PRKN: variants seen among roughly 807,000 people sequenced by gnomAD.
PRKN encodes parkin RBR E3 ubiquitin protein ligase.
A neutral mutation model predicts 59.5 loss-of-function variants in PRKN; 56 were observed. That is an observed-to-expected ratio of 0.94 (90% CI 0.76 to 1.18). The LOEUF is 1.18. PRKN is among the 50% of genes most tolerant of loss of function. PRKN has a pLI of 0.00. For synonymous variants in PRKN, 250 were observed against 222.1 expected (o/e 1.13, Z -1.12); for missense variants, 657 against 596.4 (o/e 1.10, Z -1.06).
At position 162,295,344 on chromosome 6, in the gene PRKN, A is replaced by G. The variant is rs540593290; in HGVS notation, c.172-32579T>C. Among the ~76,000 whole-genome samples the G allele has an allele frequency of 3.3e-5, 5 of 152,278 alleles. No homozygotes were observed. In the South Asian group the frequency reaches 1.0e-3, roughly 32 times the overall value. Reference sequence around the variant, plus strand: ...TATACTGGGGTTTGACAGAATTTTAAACTTTTTACTCGATTGCCTTGATAT... The same window carrying G: ...TATACTGGGGTTTGACAGAATTTTAGACTTTTTACTCGATTGCCTTGATAT... On this transcript the variant is annotated intron_variant, in intron 2 of 11. Coordinates refer to ENST00000366898, the MANE Select transcript of PRKN (RefSeq NM_004562.3).
chr6:162,027,021 AAG>A (rs1192332944), intron 5 of PRKN, among the ~76,000 whole-genome samples: 2 of 152,156 alleles, frequency 1.3e-5, no homozygotes, highest in African/African-American at 2.4e-5. Flanking sequence ...GAAACTAAAA[AAG>A]AGAGATAAGC....
At chr6:161,808,483 G>A (rs1791427105) in intron 6 of PRKN, among the ~76,000 whole-genome samples, 2 of 152,084 alleles carry the variant, frequency 1.3e-5, no homozygotes, top group Admixed American at 6.5e-5. Flanking sequence ...AATGAATAAC[G>A]TGTGTGTGTT....
At chr6:162,007,600 A>G (rs1354922130) in intron 5 of PRKN, among the ~76,000 whole-genome samples, 1 of 152,194 alleles carries the variant, frequency 6.6e-6, no homozygotes, top group Non-Finnish European at 1.5e-5. Flanking sequence ...ATTAAGTTTT[A>G]TAGCAGAGCT....
intron 2 of PRKN, among the ~76,000 whole-genome samples, chr6:162,352,847 T>C (rs550150134): frequency 4.1e-4 from 63 of 152,264 alleles, no homozygotes; most frequent in South Asian, 1.0e-3. Context: ...AAAGTATCCA[T>C]TTTTCCCCAA....
intron 2 of PRKN, among the ~76,000 whole-genome samples, chr6:162,320,944 T>C (rs562619490): frequency 1.8e-4 from 28 of 151,924 alleles, no homozygotes; most frequent in African/African-American, 6.5e-4. Context: ...TTTCCAATTG[T>C]CTTCACATTC....
At chr6:162,069,711 T>C (rs1212899349) in intron 4 of PRKN, among the ~76,000 whole-genome samples, 2 of 152,192 alleles carry the variant, frequency 1.3e-5, no homozygotes, top group African/African-American at 2.4e-5. Flanking sequence ...ATAGAAAGGA[T>C]TAATTGTTCC....
chr6:161,605,023 T>G (rs1300348031), intron 7 of PRKN, among the ~76,000 whole-genome samples: 3 of 152,204 alleles, frequency 2.0e-5, no homozygotes, highest in Non-Finnish European at 4.4e-5. Context: ...TTTTTCTCTT[T>G]GATTAAAAAA....
rs569757890 is a variant in PRKN, at chr6:161,757,882, T to C, written c.871+27890A>G. Among the ~76,000 whole-genome samples the C allele has an allele frequency of 4.1e-3, 399 of 97,212 alleles. 26 individuals carry two copies. Among genetic ancestry groups the C allele is most frequent in the African/African-American group, 0.018 (383 of 21,200 alleles). 63.8% of individuals were successfully genotyped at this position (97,212 alleles called of 152,430 possible). A position where few individuals can be genotyped will look rare whatever the true frequency, so the allele number is the denominator to read the frequency against. On this transcript the variant is annotated intron_variant, in intron 7 of 11. Transcript: ENST00000366898. Reference sequence around the variant, plus strand: ...CTCTCTCTCTCTCTCTGTGTATATATATATACACACACACACACACACACA... The same window carrying C: ...CTCTCTCTCTCTCTCTGTGTATATACATATACACACACACACACACACACA...
At chr6:162,140,496 G>A (rs1488828146) in intron 4 of PRKN, among the ~76,000 whole-genome samples, 1 of 152,186 alleles carries the variant, frequency 6.6e-6, no homozygotes, top group Non-Finnish European at 1.5e-5. Flanking sequence ...GTGAGGGAGA[G>A]AATGTGTGTG....
intron 2 of PRKN, among the ~76,000 whole-genome samples, chr6:162,343,059 T>C (rs1784254639): frequency 6.6e-6 from 1 of 152,130 alleles, no homozygotes; most frequent in Non-Finnish European, 1.5e-5. Context: ...GTCGAGTTTG[T>C]TTTAGAAAAA....
At chr6:162,098,566 T>C (rs1392409640) in intron 4 of PRKN, among the ~76,000 whole-genome samples, 1 of 152,182 alleles carries the variant, frequency 6.6e-6, no homozygotes, top group Non-Finnish European at 1.5e-5. Flanking sequence ...AATATCTTCA[T>C]CAACATTTAT....
Position 162,008,866 on chromosome 6 carries a change from AAC to A in PRKN, c.619-35451_619-35450del, listed in dbSNP as rs1162316907. Among the ~76,000 whole-genome samples the A allele has an allele frequency of 5.3e-5, 8 of 152,096 alleles. No homozygotes were observed. In the South Asian group the frequency reaches 6.2e-4, roughly 12 times the overall value. On this transcript the variant is annotated intron_variant, in intron 5 of 11. Coordinates refer to ENST00000366898, the MANE Select transcript of PRKN (RefSeq NM_004562.3). Reference sequence around the variant, plus strand: ...ATATGACTACAGTAGAGAAAAATTTAACAGTCTTTGAGAACCAAAGGAATCTG... The same window carrying A: ...ATATGACTACAGTAGAGAAAAATTTAAGTCTTTGAGAACCAAAGGAATCTG...
At chr6:161,350,243 G>A (rs1437340140) in intron 11 of PRKN, 32 bp from the exon 12 acceptor site, 5 of 1,508,286 alleles carry the variant, frequency 3.3e-6, no homozygotes, top group Non-Finnish European at 4.6e-6. Context: ...GGTGTGGTGG[G>A]TTCGCAGCAA....
chr6:162,444,334 T>C (rs778574382), intron 1 of PRKN, among the ~76,000 whole-genome samples: 2 of 152,130 alleles, frequency 1.3e-5, no homozygotes, highest in Non-Finnish European at 2.9e-5. Context: ...TGAGCCTTAT[T>C]AATACAGAGC....
chr6:162,211,594 A>G (rs1329184108), intron 3 of PRKN, among the ~76,000 whole-genome samples: 1 of 152,218 alleles, frequency 6.6e-6, no homozygotes, highest in Admixed American at 6.5e-5. Context: ...AATGGCATTA[A>G]TTAAGAGAGT....
chr6:161,751,954 T>C (rs2128195039), intron 7 of PRKN, among the ~76,000 whole-genome samples: 1 of 152,278 alleles, frequency 6.6e-6, no homozygotes, highest in East Asian at 1.9e-4. Flanking sequence ...TGGTTCAGCA[T>C]CTGCAGGATT....
chr6:161,426,596 T>C (rs28649709), intron 9 of PRKN, among the ~76,000 whole-genome samples: 1 of 150,980 alleles, frequency 6.6e-6, no homozygotes, highest in Non-Finnish European at 1.5e-5. Flanking sequence ...TGGCCTATTG[T>C]GGGACCTTGT....
intron 2 of PRKN, among the ~76,000 whole-genome samples, chr6:162,305,582 A>C (rs10945809): frequency 0.12 from 18,784 of 152,164 alleles, 2,458 homozygotes; most frequent in African/African-American, 0.34. Context: ...AATTTTGCAT[A>C]AACTGAAGAT....
intron 4 of PRKN, among the ~76,000 whole-genome samples, chr6:162,085,969 C>T (rs1278426890): frequency 1.3e-5 from 2 of 152,204 alleles, no homozygotes; most frequent in Non-Finnish European, 2.9e-5. Context: ...TGCCATTCTA[C>T]TCTATCCATC....
Sources: allele counts gnomAD v4.1 joint callset (sites outside exome capture counted in the v4.1 genomes callset), GRCh38; gene constraint gnomAD v4.1.1; transcripts MANE v1.5; gene names NCBI Gene and HGNC (gene_info 2026-07-23, HGNC 2026-07-21).